The following SGCZ variants were observed in gnomAD, a reference collection of about 807,000 sequenced individuals.
SGCZ encodes sarcoglycan zeta, also known as zeta-sarcoglycan.
SGCZ carries 40 observed loss-of-function variants against 41.3 expected under a neutral mutation model. The observed-to-expected ratio is 0.97, with a 90% confidence interval of 0.75 to 1.26. The LOEUF (loss-of-function observed/expected upper bound fraction) is 1.26. Ranked by LOEUF, SGCZ falls within the 50% of genes most tolerant of loss-of-function variation. SGCZ has a pLI of 0.00. For missense variants in SGCZ, 552 were observed against 369.8 expected (o/e 1.49, Z -4.04); for synonymous variants, 206 against 137.5 (o/e 1.50, Z -3.49).
intron 1 of SGCZ, among the ~76,000 whole-genome samples, chr8:15,048,285 C>T (rs1253832167): frequency 6.6e-6 from 1 of 151,890 alleles, no homozygotes; most frequent in African/African-American, 2.4e-5. Context: ...AAGTGGATCC[C>T]ATGAAGGTAC....
intron 1 of SGCZ, among the ~76,000 whole-genome samples, chr8:14,840,195 A>C (rs62493317): frequency 6.6e-6 from 1 of 151,922 alleles, no homozygotes; most frequent in African/African-American, 2.4e-5. Flanking sequence ...TTCCTGCTTA[A>C]GGGATTTTTA....
chr8:14,218,200 A>C (rs950140738), intron 4 of SGCZ, among the ~76,000 whole-genome samples: 1 of 152,248 alleles, frequency 6.6e-6, no homozygotes, highest in Non-Finnish European at 1.5e-5. Context: ...AATCTTGTTC[A>C]TAGAAAGTAA....
chr8:14,116,624 A>T lies in SGCZ; in HGVS notation c.548-8389T>A, dbSNP rs547996693. Among the ~76,000 whole-genome samples the T allele has an allele frequency of 5.3e-5, 8 of 152,212 alleles. No homozygotes were observed. In the East Asian group the frequency reaches 1.5e-3, roughly 29 times the overall value. On this transcript the variant is annotated intron_variant, in intron 5 of 7. Transcript: ENST00000382080. ...GTTAATGCCCAGATAAATTCTCTTC[A>T]TCTTTTTTGTTTCTGTGAGATTATT...
chr8:14,183,273 T>TA (rs138309751), intron 4 of SGCZ, among the ~76,000 whole-genome samples: 9,411 of 136,532 alleles, frequency 0.069, 604 homozygotes, highest in African/African-American at 0.19. Context: ...CAGAAATAGT[T>TA]AAAAATTTTT....
chr8:14,959,604 C>T (rs1308543077), intron 1 of SGCZ, among the ~76,000 whole-genome samples: 1 of 151,986 alleles, frequency 6.6e-6, no homozygotes, highest in Non-Finnish European at 1.5e-5. Context: ...TCTCAGTATC[C>T]ACCAACAACA....
intron 1 of SGCZ, among the ~76,000 whole-genome samples, chr8:14,608,422 AT>A (rs1203679830): frequency 6.6e-6 from 1 of 151,304 alleles, no homozygotes. Flanking sequence ...GCCACAGGAT[AT>A]TTTACTCATG....
intron 1 of SGCZ, among the ~76,000 whole-genome samples, chr8:14,847,978 C>A (rs1160567450): frequency 6.6e-6 from 1 of 151,778 alleles, no homozygotes; most frequent in Non-Finnish European, 1.5e-5. Context: ...ACATAATCAT[C>A]CATGTAGAAA....
At chr8:14,119,696 G>T (rs918366833) in intron 5 of SGCZ, among the ~76,000 whole-genome samples, 2 of 152,190 alleles carry the variant, frequency 1.3e-5, no homozygotes, top group Non-Finnish European at 2.9e-5. Flanking sequence ...TTAGCTGTGG[G>T]TTTGTCATAA....
At chr8:15,004,522 A>T (rs1175131712) in intron 1 of SGCZ, among the ~76,000 whole-genome samples, 3 of 152,192 alleles carry the variant, frequency 2.0e-5, no homozygotes, top group Non-Finnish European at 4.4e-5. Context: ...AAAATCTGAC[A>T]TCATAAAAAC....
intron 1 of SGCZ, among the ~76,000 whole-genome samples, chr8:15,209,475 T>TAAAAAAAAAAA (rs57088562): frequency 7.0e-6 from 1 of 142,110 alleles, no homozygotes; most frequent in Non-Finnish European, 1.5e-5. Context: ...AGCATAATAG[T>TAAAAAAAAAAA]AAAAAAAAAA....
intron 2 of SGCZ, among the ~76,000 whole-genome samples, chr8:14,442,158 G>C (rs1333917404): frequency 6.6e-6 from 1 of 152,146 alleles, no homozygotes; most frequent in Middle Eastern, 3.2e-3. Context: ...TGGTTTGGCT[G>C]TGTCACTACC....
At chr8:14,405,343 T>C (rs558044460) in intron 2 of SGCZ, among the ~76,000 whole-genome samples, 117 of 148,202 alleles carry the variant, frequency 7.9e-4, no homozygotes, top group African/African-American at 2.2e-3. Context: ...TTTATGTATC[T>C]TCCCCACTAT....
intron 1 of SGCZ, among the ~76,000 whole-genome samples, chr8:15,038,197 T>C (rs1418305558): frequency 2.0e-5 from 3 of 152,124 alleles, no homozygotes; most frequent in Admixed American, 6.5e-5. Flanking sequence ...ACTGACTGAC[T>C]TCAAAATATA....
chr8:14,718,067 T>A (rs1291197274), intron 1 of SGCZ, among the ~76,000 whole-genome samples: 1 of 151,272 alleles, frequency 6.6e-6, no homozygotes, highest in Non-Finnish European at 1.5e-5. Flanking sequence ...ATTTTTCTTA[T>A]CTTTGAAAAT....
intron 2 of SGCZ, among the ~76,000 whole-genome samples, chr8:14,477,324 T>C (rs867688819): frequency 6.6e-6 from 1 of 152,180 alleles, no homozygotes; most frequent in African/African-American, 2.4e-5. Flanking sequence ...TTTGAGATAC[T>C]TACTTTGGTT....
intron 1 of SGCZ, among the ~76,000 whole-genome samples, chr8:14,566,956 C>T (rs2117220672): frequency 6.6e-6 from 1 of 152,324 alleles, no homozygotes; most frequent in Non-Finnish European, 1.5e-5. Flanking sequence ...CCCCACCGGC[C>T]CCGGGCAGTG....
chr8:14,527,493 C>G (rs564307589), intron 2 of SGCZ, among the ~76,000 whole-genome samples: 48 of 152,004 alleles, frequency 3.2e-4, no homozygotes, highest in African/African-American at 1.2e-3. Context: ...TTTGTAGTGA[C>G]AAGTTCTCAC....
intron 2 of SGCZ, among the ~76,000 whole-genome samples, chr8:14,403,655 CAA>C (rs1424034646): frequency 6.6e-6 from 1 of 152,038 alleles, no homozygotes; most frequent in Admixed American, 6.6e-5. Context: ...TAGTGTTCAT[CAA>C]AAAACTTATT....
chr8:14,956,517 A>G (rs940683110), intron 1 of SGCZ, among the ~76,000 whole-genome samples: 1 of 152,190 alleles, frequency 6.6e-6, no homozygotes, highest in Non-Finnish European at 1.5e-5. Flanking sequence ...ACAAATAAAC[A>G]GGATAGTTTT....
Sources: gnomAD v4.1 joint callset for allele counts (sites outside exome capture counted in the v4.1 genomes callset) on GRCh38, gnomAD v4.1.1 for gene constraint, MANE v1.5 for transcripts, NCBI Gene and HGNC (gene_info 2026-07-23, HGNC 2026-07-21) for gene names.